ZNF385B: variants seen among roughly 807,000 people sequenced by gnomAD.
The protein encoded by ZNF385B is zinc finger protein 385B, also known as zinc finger protein 533.
A neutral mutation model predicts 39.2 loss-of-function variants in ZNF385B; 23 were observed. That is an observed-to-expected ratio of 0.59 (90% CI 0.42 to 0.83). The LOEUF (loss-of-function observed/expected upper bound fraction) is 0.83. Ranked by LOEUF, ZNF385B falls within the 40% of genes least tolerant of loss-of-function variation. The pLI is 0.00. For missense variants in ZNF385B, 552 were observed against 598.9 expected (o/e 0.92, Z 0.82); for synonymous variants, 205 against 222.6 (o/e 0.92, Z 0.70).
chr2:179,559,474 T>C (rs2061179484), intron 3 of ZNF385B, among the ~76,000 whole-genome samples: 1 of 152,150 alleles, frequency 6.6e-6, no homozygotes, highest in South Asian at 2.1e-4. Context: ...CACCCAAGTA[T>C]TTTCTGCACA....
chr2:179,738,495 A>T (rs909983675), intron 3 of ZNF385B, among the ~76,000 whole-genome samples: 10 of 152,160 alleles, frequency 6.6e-5, no homozygotes, highest in African/African-American at 1.9e-4. Flanking sequence ...GTGTGAAACA[A>T]TCATATCACG....
In ZNF385B at chr2:179,644,518, T is replaced by C. The variant is rs536743447; in HGVS notation, c.299-99549A>G. 1.7e-4 allele frequency among the ~76,000 whole-genome samples: 26 copies of C among 152,322 alleles called. No homozygotes were observed. In the South Asian group the frequency reaches 5.4e-3, roughly 32 times the overall value. On this transcript the variant is annotated intron_variant, in intron 3 of 9. Transcript: ENST00000410066. ...AAGCTGCCCTTTGTTATATATTCTA[T>C]GAGCCACAAATCTTTTAAAACTCAA... is the stretch of plus-strand genomic sequence containing the variant.
chr2:179,789,826 T>C (rs1407040883), intron 1 of ZNF385B, among the ~76,000 whole-genome samples: 1 of 152,126 alleles, frequency 6.6e-6, no homozygotes, highest in Admixed American at 6.6e-5. Flanking sequence ...GAAGTTTGCC[T>C]ATTTGGGGAT....
intron 3 of ZNF385B, among the ~76,000 whole-genome samples, chr2:179,689,660 A>C (rs1003420840): frequency 1.3e-5 from 2 of 152,128 alleles, no homozygotes; most frequent in African/African-American, 4.8e-5. Flanking sequence ...CTCACCCTGC[A>C]CTGTGCCCAG....
rs1345616398 is a variant in ZNF385B at position 179,676,605 on chromosome 2, G to A, written c.298+92898C>T. Among the ~76,000 whole-genome samples, 6 of 152,240 alleles carry A rather than the reference G, an allele frequency of 3.9e-5. No individual in the cohort carries two copies. The East Asian group carries it at 1.2e-3, about 29-fold the overall frequency. ...GGAGAATGACCTGGAGAGCAGCGGG[G>A]GGACAGGCAGAACAGGCCCACAGGG... On this transcript the variant is annotated intron_variant, in intron 3 of 9. Coordinates refer to ENST00000410066, the MANE Select transcript of ZNF385B (RefSeq NM_152520.6).
At chr2:179,676,593 G>A (rs1696857361) in intron 3 of ZNF385B, among the ~76,000 whole-genome samples, 1 of 151,588 alleles carries the variant, frequency 6.6e-6, no homozygotes, top group Non-Finnish European at 1.5e-5. Context: ...GAATGACCTG[G>A]AGAGCAGCGG....
At chr2:179,459,273 C>T (rs2051033072) in intron 6 of ZNF385B, among the ~76,000 whole-genome samples, 1 of 151,258 alleles carries the variant, frequency 6.6e-6, no homozygotes, top group Non-Finnish European at 1.5e-5. Context: ...TAAGAAGTAT[C>T]ATTTTCTGCC....
chr2:179,720,937 T>TG (rs984864277), intron 3 of ZNF385B, among the ~76,000 whole-genome samples: 15 of 145,812 alleles, frequency 1.0e-4, no homozygotes, highest in Non-Finnish European at 1.7e-4. Flanking sequence ...TTTTTTTTTT[T>TG]TTTTTTTTTT....
intron 3 of ZNF385B, among the ~76,000 whole-genome samples, chr2:179,648,230 C>T (rs1692905765): frequency 6.6e-6 from 1 of 151,880 alleles, no homozygotes; most frequent in African/African-American, 2.4e-5. Flanking sequence ...GTGTCAGAGC[C>T]CAGTTGGGAT....
chr2:179,770,293 C>T (rs1703940628), intron 2 of ZNF385B, among the ~76,000 whole-genome samples: 1 of 152,162 alleles, frequency 6.6e-6, no homozygotes, highest in African/African-American at 2.4e-5. Flanking sequence ...ACAGTCACCT[C>T]GTCTCTGGAT....
chr2:179,783,768 G>A (rs984827476), intron 1 of ZNF385B, among the ~76,000 whole-genome samples: 1 of 151,886 alleles, frequency 6.6e-6, no homozygotes, highest in Non-Finnish European at 1.5e-5. Flanking sequence ...CAATCAAAAT[G>A]AGATACCATC....
chr2:179,731,039 C>T (rs141551669), intron 3 of ZNF385B, among the ~76,000 whole-genome samples: 12 of 152,288 alleles, frequency 7.9e-5, no homozygotes, highest in Non-Finnish European at 1.8e-4. Flanking sequence ...TTTGAAAATA[C>T]ACATTTACCT....
intron 3 of ZNF385B, among the ~76,000 whole-genome samples, chr2:179,703,714 G>A (rs1699383068): frequency 6.6e-6 from 1 of 152,232 alleles, no homozygotes; most frequent in African/African-American, 2.4e-5. Flanking sequence ...ATACACATGT[G>A]TGCATGCATT....
At chr2:179,520,534 C>T (rs1485475410) in intron 4 of ZNF385B, among the ~76,000 whole-genome samples, 1 of 152,114 alleles carries the variant, frequency 6.6e-6, no homozygotes, top group East Asian at 1.9e-4. Context: ...AACACAAATA[C>T]TTAAATCCCA....
At chr2:179,649,790 A>C (rs1693046697) in intron 3 of ZNF385B, among the ~76,000 whole-genome samples, 1 of 152,210 alleles carries the variant, frequency 6.6e-6, no homozygotes, top group Non-Finnish European at 1.5e-5. Flanking sequence ...AGAGAAAAGA[A>C]AGTTTTGCTT....
At chr2:179,599,797 G>A (rs961344373) in intron 3 of ZNF385B, among the ~76,000 whole-genome samples, 1 of 152,168 alleles carries the variant, frequency 6.6e-6, no homozygotes, top group Admixed American at 6.6e-5. Flanking sequence ...TCTGAAGACT[G>A]ATGGTAGCCA....
rs1381934884 is a variant in ZNF385B at position 179,861,406 on chromosome 2, G to C, written c.-460C>G. On this transcript the variant is annotated 5_prime_UTR_variant, in exon 1 of 10. Coordinates refer to ENST00000410066, the MANE Select transcript of ZNF385B (RefSeq NM_152520.6). ...GCGCACCGGGCCTCGCCCAGGTGAGGGGCGTGTGCCCGGAGCCCGCTGGGC... is the reference window on the plus strand; with the variant it reads ...GCGCACCGGGCCTCGCCCAGGTGAGCGGCGTGTGCCCGGAGCCCGCTGGGC... 1.3e-5 allele frequency: 2 copies of C among 150,446 alleles called. No homozygotes were observed. The highest frequency in any genetic ancestry group is 3.0e-5 in the Non-Finnish European group (2 of 67,470). The allele number at this position is 150,446 out of a possible 1,614,324, so 9.3% of individuals were successfully genotyped here.
intron 3 of ZNF385B, among the ~76,000 whole-genome samples, chr2:179,752,021 C>T (rs529095587): frequency 6.6e-6 from 1 of 151,978 alleles, no homozygotes. Flanking sequence ...GTGCCATGTT[C>T]GTGTGCTGCA....
intron 5 of ZNF385B, among the ~76,000 whole-genome samples, chr2:179,515,235 CT>C: frequency 1.3e-5 from 2 of 152,306 alleles, no homozygotes; most frequent in East Asian, 3.9e-4. Flanking sequence ...TTATTTTACT[CT>C]TCTTAAATTA....
Sources: gnomAD v4.1 joint callset for allele counts (sites outside exome capture counted in the v4.1 genomes callset) on GRCh38, gnomAD v4.1.1 for gene constraint, MANE v1.5 for transcripts, NCBI Gene and HGNC (gene_info 2026-07-23, HGNC 2026-07-21) for gene names.